Variants in GRIN2A observed in about 807,000 individuals in gnomAD.
GRIN2A encodes the protein glutamate ionotropic receptor NMDA type subunit 2A.
A neutral mutation model predicts 113.4 loss-of-function variants in GRIN2A; 22 were observed. The observed-to-expected ratio is 0.19, with a 90% CI of 0.14 to 0.28. GRIN2A has a LOEUF of 0.28. GRIN2A is among the 10% of genes least tolerant of loss of function. The pLI is 1.00. For missense variants in GRIN2A, 1,502 were observed against 1,887.0 expected, an observed-to-expected ratio of 0.80 and a Z score of 3.78; for synonymous variants, 827 against 738.4, an observed-to-expected ratio of 1.12 and a Z score of -1.94.
At chr16:10,070,764 C>T (rs1025521371) in intron 2 of GRIN2A, among the ~76,000 whole-genome samples, 12 of 152,294 alleles carry the variant, frequency 7.9e-5, no homozygotes, top group Admixed American at 2.0e-4. Context: ...AATTGTTCAG[C>T]GGTTGGATTA....
chr16:10,045,751 G>A (rs1302623217), intron 2 of GRIN2A, among the ~76,000 whole-genome samples: 1 of 152,184 alleles, frequency 6.6e-6, no homozygotes, highest in African/African-American at 2.4e-5. Flanking sequence ...ATCATCTTGG[G>A]GTGCCCCACC....
chr16:9,953,364 T>C (rs529981232), intron 2 of GRIN2A, among the ~76,000 whole-genome samples: 30 of 152,302 alleles, frequency 2.0e-4, no homozygotes, highest in Admixed American at 8.5e-4. Context: ...GCCTTGTACC[T>C]GACATACAGT....
intron 11 of GRIN2A, among the ~76,000 whole-genome samples, chr16:9,788,269 T>G (rs1444178194): frequency 6.6e-6 from 1 of 152,098 alleles, no homozygotes; most frequent in African/African-American, 2.4e-5. Context: ...TTTTTTCTTT[T>G]TTTTTGGGAT....
At chr16:9,830,480 CAAAA>C (rs71400501) in intron 8 of GRIN2A, among the ~76,000 whole-genome samples, 4 of 73,054 alleles carry the variant, frequency 5.5e-5, no homozygotes, top group Non-Finnish European at 6.1e-5. Flanking sequence ...TCTGCATGGG[CAAAA>C]AAAAAAAAAA....
At chr16:10,015,261 A>AAAAAAG (rs1446534608) in intron 2 of GRIN2A, among the ~76,000 whole-genome samples, 2 of 134,074 alleles carry the variant, frequency 1.5e-5, no homozygotes, top group Admixed American at 7.6e-5. Flanking sequence ...TCAAAAAAAA[A>AAAAAAG]AAAAAAAAAA....
chr16:9,991,111 G>A (rs190361423), intron 2 of GRIN2A, among the ~76,000 whole-genome samples: 6 of 152,210 alleles, frequency 3.9e-5, no homozygotes, highest in African/African-American at 9.6e-5. Context: ...CTAAGATGCC[G>A]ATGTCCTCAT....
chr16:10,150,698 C>T (rs1438579076), intron 2 of GRIN2A, among the ~76,000 whole-genome samples: 3 of 151,708 alleles, frequency 2.0e-5, no homozygotes, highest in Non-Finnish European at 4.4e-5. Flanking sequence ...CTCACCTCCT[C>T]AGAGAGACCT....
intron 2 of GRIN2A, among the ~76,000 whole-genome samples, chr16:10,177,966 G>A (rs756577667): frequency 2.0e-5 from 3 of 152,108 alleles, no homozygotes; most frequent in African/African-American, 7.2e-5. Flanking sequence ...AAGCCTACCC[G>A]GAACCTCCCA....
intron 3 of GRIN2A, among the ~76,000 whole-genome samples, chr16:9,915,687 AGGT>A (rs1225246177): frequency 2.6e-5 from 4 of 152,236 alleles, no homozygotes; most frequent in Non-Finnish European, 5.9e-5. Context: ...GAGGTAGTTT[AGGT>A]GGTGGTGACA....
chr16:9,790,629 A>G (rs992610817), intron 11 of GRIN2A, among the ~76,000 whole-genome samples: 1 of 152,228 alleles, frequency 6.6e-6, no homozygotes, highest in African/African-American at 2.4e-5. Context: ...TGTGGTGAAT[A>G]CAGAGGTAAG....
chr16:10,059,223 A>T (rs1333522283), intron 2 of GRIN2A, among the ~76,000 whole-genome samples: 1 of 152,226 alleles, frequency 6.6e-6, no homozygotes, highest in African/African-American at 2.4e-5. Context: ...TTGTGCCTTA[A>T]GTGCAGTGGG....
At chr16:9,862,837 T>G (rs1239964927) in intron 4 of GRIN2A, among the ~76,000 whole-genome samples, 1 of 152,222 alleles carries the variant, frequency 6.6e-6, no homozygotes, top group Non-Finnish European at 1.5e-5. Context: ...TTTTTGAACT[T>G]GCTCTTGGGA....
intron 2 of GRIN2A, among the ~76,000 whole-genome samples, chr16:10,147,388 C>A (rs1232167947): frequency 1.4e-5 from 2 of 138,450 alleles, no homozygotes; most frequent in Non-Finnish European, 3.0e-5. Flanking sequence ...GTAAGCAGAT[C>A]ATTTGAGCTC....
intron 2 of GRIN2A, among the ~76,000 whole-genome samples, chr16:10,003,940 T>A (rs954660873): frequency 1.3e-5 from 2 of 152,140 alleles, no homozygotes; most frequent in African/African-American, 4.8e-5. Flanking sequence ...CTGCTCTATT[T>A]TACTGTGTCT....
In GRIN2A at chr16:10,158,604, T is replaced by C. The variant is rs572696118; in HGVS notation, c.414+21394A>G. Among the ~76,000 whole-genome samples, 9 of 152,346 alleles carry C rather than the reference T, an allele frequency of 5.9e-5. No homozygotes were observed. In the East Asian group the frequency reaches 1.5e-3, roughly 26 times the overall value. ...TATTCAGCCATGAAAAGGAATAAAG[T>C]ACTGATTCATGCTACGACATGGATG... On this transcript the variant is annotated intron_variant, in intron 2 of 12. Coordinates refer to ENST00000330684, the MANE Select transcript of GRIN2A (RefSeq NM_001134407.3).
In GRIN2A at chr16:9,849,798, C is replaced by T; in HGVS notation, c.1286G>A (p.Cys429Tyr). ...CCGACATGGCACGGTGTTCCTCACA[C>T]ACGTCTCGGTCAGGGGGTCTATGTC... Reference protein sequence around the residue: ...VEDIDPLTETCVRNTVPCRKF... With the variant: ...VEDIDPLTETYVRNTVPCRKF... Residue 429 changes from cysteine to tyrosine, a missense_variant, in exon 5 of 13, where the codon TGT becomes TAT. Transcript: ENST00000330684. The T allele has an allele frequency of 6.2e-7, 1 of 1,614,106 alleles. No individual in the cohort carries two copies. The highest frequency in any genetic ancestry group is 8.5e-7 in the Non-Finnish European group (1 of 1,179,998).
At chr16:10,085,290 G>C (rs7188616) in intron 2 of GRIN2A, among the ~76,000 whole-genome samples, 33,708 of 152,084 alleles carry the variant, frequency 0.22, 4,053 homozygotes, top group East Asian at 0.44. Context: ...GGCAAGGTGA[G>C]ACAGGAATTT....
intron 3 of GRIN2A, among the ~76,000 whole-genome samples, chr16:9,916,762 A>G (rs1293593593): frequency 6.6e-6 from 1 of 152,144 alleles, no homozygotes; most frequent in African/African-American, 2.4e-5. Flanking sequence ...ATATTAACAG[A>G]AGCCCTTCAA....
intron 11 of GRIN2A, among the ~76,000 whole-genome samples, chr16:9,797,538 A>G (rs940132927): frequency 3.3e-5 from 5 of 152,168 alleles, no homozygotes; most frequent in African/African-American, 1.2e-4. Flanking sequence ...TGCAATAGAG[A>G]TTGCCTTTCC....
Sources: allele counts gnomAD v4.1 joint callset (sites outside exome capture counted in the v4.1 genomes callset), GRCh38; gene constraint gnomAD v4.1.1; transcripts MANE v1.5; gene names NCBI Gene and HGNC (gene_info 2026-07-23, HGNC 2026-07-21).